NRG4: variants seen among roughly 807,000 people sequenced by gnomAD.
NRG4 encodes pro-neuregulin-4, membrane-bound isoform.
NRG4 carries 10 observed loss-of-function variants against 15.0 expected under a neutral mutation model. That is an observed-to-expected ratio of 0.67 (90% CI 0.41 to 1.13). The LOEUF is 1.13. Ranked by LOEUF, NRG4 falls within the 50% of genes most tolerant of loss-of-function variation. The pLI is 0.00. For missense variants in NRG4, 139 were observed against 140.2 expected, an observed-to-expected ratio of 0.99 and a Z score of 0.04; for synonymous variants, 41 against 50.1, an observed-to-expected ratio of 0.82 and a Z score of 0.77.
chr15:75,964,964 G>A (rs905936909), intron 3 of NRG4, among the ~76,000 whole-genome samples: 3 of 152,032 alleles, frequency 2.0e-5, no homozygotes, highest in African/African-American at 7.2e-5. Flanking sequence ...AGTGCCTCCC[G>A]CCTGTAATCC....
intron 3 of NRG4, among the ~76,000 whole-genome samples, chr15:75,970,537 T>TG (rs1474688548): frequency 6.6e-6 from 1 of 152,240 alleles, no homozygotes; most frequent in Non-Finnish European, 1.5e-5. Flanking sequence ...TGTGGCTCTA[T>TG]GGGCAGTTAC....
intron 4 of NRG4, among the ~76,000 whole-genome samples, chr15:75,957,275 T>C (rs547919786): frequency 6.6e-6 from 1 of 152,334 alleles, no homozygotes. Context: ...ACCTGACATA[T>C]ATCCTTCAGG....
intron 2 of NRG4, among the ~76,000 whole-genome samples, chr15:76,009,892 A>G (rs2034745936): frequency 6.6e-6 from 1 of 152,194 alleles, no homozygotes; most frequent in South Asian, 2.1e-4. Flanking sequence ...AGTTGCAAAG[A>G]AAAATTAAAA....
chr15:75,985,470 A>G (rs2033765939), intron 3 of NRG4, among the ~76,000 whole-genome samples: 1 of 152,166 alleles, frequency 6.6e-6, no homozygotes, highest in Admixed American at 6.5e-5. Flanking sequence ...TTTCATGGAA[A>G]CTGTTCATAT....
downstream of NRG4, chr15:75,940,545 A>G (rs1466721029): frequency 1.3e-5 from 2 of 151,806 alleles, no homozygotes; most frequent in Non-Finnish European, 2.9e-5. Flanking sequence ...CAGTCTTGAG[A>G]AAGAAGAACA....
At chr15:76,041,875 C>T (rs560189154) in intron 4 of NRG4, among the ~76,000 whole-genome samples, 100 of 152,242 alleles carry the variant, frequency 6.6e-4, no homozygotes, top group African/African-American at 2.3e-3. Flanking sequence ...CTACAGAATA[C>T]ACAATCTTTT....
chr15:76,057,533 G>C (rs1447520620), intron 1 of NRG4, among the ~76,000 whole-genome samples: 3 of 152,148 alleles, frequency 2.0e-5, no homozygotes, highest in African/African-American at 4.8e-5. Flanking sequence ...ATGCAGAATG[G>C]CATCTCGTCC....
chr15:76,008,188 T>A (rs1295169495), intron 3 of NRG4, among the ~76,000 whole-genome samples: 1 of 152,190 alleles, frequency 6.6e-6, no homozygotes, highest in Non-Finnish European at 1.5e-5. Context: ...CTGAGGCACA[T>A]CATGAGTGTT....
downstream of NRG4, chr15:75,935,791 ACTTT>A (rs1394053614): frequency 4.6e-5 from 7 of 152,150 alleles, no homozygotes; most frequent in South Asian, 6.2e-4. Context: ...AAATCTGAGA[ACTTT>A]CTTTTTTTTT....
downstream of NRG4, chr15:75,937,112 A>T (rs1232900880): frequency 6.6e-6 from 1 of 152,120 alleles, no homozygotes; most frequent in African/African-American, 2.4e-5. Context: ...AAGGTCTTGT[A>T]ATAAAATTAT....
At chr15:76,005,384 A>G (rs1442065430) in intron 3 of NRG4, among the ~76,000 whole-genome samples, 3 of 60,998 alleles carry the variant, frequency 4.9e-5, no homozygotes, top group Non-Finnish European at 1.5e-4. Flanking sequence ...TCCGTCTCTT[A>G]AAAAAAAAAA....
chr15:75,990,978 TA>T, intron 3 of NRG4, among the ~76,000 whole-genome samples: 1 of 152,276 alleles, frequency 6.6e-6, no homozygotes, highest in African/African-American at 2.4e-5. Context: ...ACTCAGCCGG[TA>T]ATTTTCATAT....
upstream of NRG4, among the ~76,000 whole-genome samples, chr15:76,017,269 C>T (rs1004206011): frequency 3.3e-5 from 5 of 150,736 alleles, no homozygotes; most frequent in African/African-American, 9.8e-5. Flanking sequence ...ACACAGCACG[C>T]CAATGGGTCT....
At chr15:76,049,892 A>G (rs1169772532) in intron 4 of NRG4, among the ~76,000 whole-genome samples, 1 of 150,972 alleles carries the variant, frequency 6.6e-6, no homozygotes, top group Non-Finnish European at 1.5e-5. Context: ...ATACATTAAG[A>G]GTCCACAATT....
At chr15:75,946,771 G>A (rs1174889889) in intron 5 of NRG4, among the ~76,000 whole-genome samples, 1 of 152,174 alleles carries the variant, frequency 6.6e-6, no homozygotes, top group Non-Finnish European at 1.5e-5. Context: ...CAGTGAATTT[G>A]CCTATTCTAG....
chr15:76,001,226 C>T (rs1384761492), intron 3 of NRG4, among the ~76,000 whole-genome samples: 3 of 152,026 alleles, frequency 2.0e-5, no homozygotes, highest in East Asian at 1.9e-4. Context: ...CTCCTGGCCT[C>T]AAGCATTCCT....
chr15:76,008,700 A>G (rs1461413248), intron 3 of NRG4, among the ~76,000 whole-genome samples: 1 of 152,160 alleles, frequency 6.6e-6, no homozygotes, highest in Admixed American at 6.6e-5. Flanking sequence ...AGTGGCTAAG[A>G]TACCCTTCTT....
At chr15:75,984,593 C>A (rs2033724360) in intron 3 of NRG4, among the ~76,000 whole-genome samples, 1 of 152,046 alleles carries the variant, frequency 6.6e-6, no homozygotes, top group Non-Finnish European at 1.5e-5. Context: ...ACAATAAGAA[C>A]ACACGGACAC....
intron 5 of NRG4, among the ~76,000 whole-genome samples, 191 bp from the exon 6 acceptor site, chr15:75,943,845 CTG>C (rs768077499): frequency 6.6e-6 from 1 of 152,134 alleles, no homozygotes; most frequent in African/African-American, 2.4e-5. Context: ...CCTCAGAACA[CTG>C]AGTTCTGTCA....
Sources: allele counts gnomAD v4.1 joint callset (sites outside exome capture counted in the v4.1 genomes callset), GRCh38; gene constraint gnomAD v4.1.1; transcripts MANE v1.5; gene names NCBI Gene and HGNC (gene_info 2026-07-23, HGNC 2026-07-21).